The following MCC variants were observed in gnomAD, a reference collection of about 807,000 sequenced individuals.
MCC encodes the protein colorectal mutant cancer protein.
In MCC, 90 loss-of-function variants were observed where a neutral mutation model predicts 116.2. That is an observed-to-expected ratio of 0.77 (90% confidence interval 0.65 to 0.92). The LOEUF is 0.92. MCC is among the 40% of genes least tolerant of loss of function. The probability of loss-of-function intolerance (pLI) is 0.00; values close to 1 mark genes in which losing one functional copy is unlikely to be tolerated. For synonymous variants in MCC, 578 were observed against 510.5 expected (o/e 1.13, Z -1.78); for missense variants, 1,516 against 1,312.2 (o/e 1.16, Z -2.40).
rs7708603 is a variant in MCC, at chr5:113,049,338, T to C, written c.2449-39A>G. 56 of 1,494,390 alleles carry C rather than the reference T, an allele frequency of 3.7e-5. No homozygotes were observed. In the African/African-American group the frequency reaches 6.5e-4, roughly 17 times the overall value. 92.6% of individuals were successfully genotyped at this position (1,494,390 alleles called of 1,614,324 possible). On this transcript the variant is annotated intron_variant, in intron 15 of 18. Transcript: ENST00000408903. The stretch of plus-strand genomic sequence containing the variant: ...AGCACAGAGCACATGAGGCATGCCC[T>C]ATCTGAGAGCAGGCCTGGCTGCTGC...
chr5:113,447,267 T>C (rs1580387108), intron 1 of MCC, among the ~76,000 whole-genome samples: 2 of 152,284 alleles, frequency 1.3e-5, no homozygotes, highest in East Asian at 1.9e-4. Flanking sequence ...AGAAAACACC[T>C]TTCTTTGGGT....
intron 3 of MCC, among the ~76,000 whole-genome samples, chr5:113,168,453 T>C (rs527533531): frequency 1.3e-5 from 2 of 152,240 alleles, no homozygotes; most frequent in Non-Finnish European, 2.9e-5. Context: ...GATTTTCACA[T>C]ACTTTTTATT....
At chr5:113,227,814 G>C (rs1763801872) in intron 3 of MCC, among the ~76,000 whole-genome samples, 1 of 152,076 alleles carries the variant, frequency 6.6e-6, no homozygotes, top group Admixed American at 6.5e-5. Context: ...TCCCCTACAA[G>C]ATCTATCATT....
chr5:113,079,060 C>T (rs908944652), intron 11 of MCC, among the ~76,000 whole-genome samples: 6 of 152,250 alleles, frequency 3.9e-5, no homozygotes, highest in East Asian at 1.9e-4. Flanking sequence ...CCATTCACAA[C>T]TGATTCAAAG....
At chr5:113,407,710 T>C (rs995772887) in intron 1 of MCC, among the ~76,000 whole-genome samples, 2 of 152,164 alleles carry the variant, frequency 1.3e-5, no homozygotes, top group Non-Finnish European at 1.5e-5. Context: ...ACGTGTGCCA[T>C]GGGGGTTTGC....
chr5:113,312,931 C>T (rs1767170202), intron 3 of MCC, among the ~76,000 whole-genome samples: 1 of 152,164 alleles, frequency 6.6e-6, no homozygotes, highest in Non-Finnish European at 1.5e-5. Flanking sequence ...CTGATTGGCA[C>T]TGGAGAGACA....
At chr5:113,243,803 C>T (rs557799623) in intron 3 of MCC, among the ~76,000 whole-genome samples, 69 of 152,368 alleles carry the variant, frequency 4.5e-4, no homozygotes, top group Non-Finnish European at 8.8e-4. Context: ...GACTGCCCTC[C>T]GTTTGCCCAA....
chr5:113,268,758 A>C (rs1417468944), intron 3 of MCC, among the ~76,000 whole-genome samples: 1 of 152,192 alleles, frequency 6.6e-6, no homozygotes, highest in African/African-American at 2.4e-5. Flanking sequence ...ATCATCCCTT[A>C]GTAAATCTTT....
At chr5:113,388,182 G>C (rs1368404881) in intron 1 of MCC, among the ~76,000 whole-genome samples, 3 of 152,136 alleles carry the variant, frequency 2.0e-5, no homozygotes, top group Non-Finnish European at 4.4e-5. Context: ...AAACGTGTAG[G>C]CTGTTGAGAG....
chr5:113,154,080 T>C (rs1760036145), intron 3 of MCC, among the ~76,000 whole-genome samples: 2 of 152,248 alleles, frequency 1.3e-5, no homozygotes, highest in African/African-American at 4.8e-5. Context: ...CATTCTCATG[T>C]TTTAGTGATG....
chr5:113,419,015 G>A (rs1466047533), intron 1 of MCC, among the ~76,000 whole-genome samples: 2 of 152,052 alleles, frequency 1.3e-5, no homozygotes, highest in Non-Finnish European at 1.5e-5. Flanking sequence ...GAATTCATTG[G>A]GAAAAAGTTT....
chr5:113,110,626 G>A (rs9326879), intron 6 of MCC, among the ~76,000 whole-genome samples: 53,978 of 152,004 alleles, frequency 0.36, 10,848 homozygotes, highest in South Asian at 0.46. Context: ...TCTGGGGAGT[G>A]CTAAGTTCAC....
At chr5:113,030,319 CA>C (rs1750867230) in intron 17 of MCC, among the ~76,000 whole-genome samples, 1 of 152,124 alleles carries the variant, frequency 6.6e-6, no homozygotes, top group African/African-American at 2.4e-5. Context: ...GGGAGACAAG[CA>C]GGGAACTGGT....
intron 3 of MCC, among the ~76,000 whole-genome samples, chr5:113,165,235 G>C (rs557380536): frequency 6.6e-6 from 1 of 152,270 alleles, no homozygotes. Flanking sequence ...TTCCTGTAAG[G>C]AGCTGCTTCT....
chr5:113,327,556 AAAAAAAT>A (rs1409623780), intron 3 of MCC, among the ~76,000 whole-genome samples: 1 of 106,228 alleles, frequency 9.4e-6, no homozygotes, highest in Non-Finnish European at 1.9e-5. Flanking sequence ...AAAAAAAAAA[AAAAAAAT>A]ATATATATAT....
intron 17 of MCC, among the ~76,000 whole-genome samples, chr5:113,038,365 G>A (rs77476813): frequency 0.012 from 1,809 of 152,220 alleles, 32 homozygotes; most frequent in African/African-American, 0.041. Flanking sequence ...ACAATCCCTG[G>A]CCCTAAAAGG....
In MCC at chr5:113,025,377, C is replaced by A. The variant is rs1750466727; in HGVS notation, c.*1925G>T. Reference sequence around the variant, plus strand: ...GCACATTGGCTCATGCCTGTAATCCCAGCACTTTGGGAGGCCGAGGTGGGT... The same window carrying A: ...GCACATTGGCTCATGCCTGTAATCCAAGCACTTTGGGAGGCCGAGGTGGGT... On this transcript the variant is annotated 3_prime_UTR_variant, in exon 19 of 19. Transcript: ENST00000408903. 1 of 151,838 alleles carries A rather than the reference C, an allele frequency of 6.6e-6. No homozygotes were observed. The highest frequency in any genetic ancestry group is 1.5e-5 in the Non-Finnish European group (1 of 67,966). The allele number at this position is 151,838 out of a possible 1,614,324, so 9.4% of individuals were successfully genotyped here.
intron 3 of MCC, among the ~76,000 whole-genome samples, chr5:113,292,951 C>G (rs1766565139): frequency 6.6e-6 from 1 of 152,200 alleles, no homozygotes; most frequent in Admixed American, 6.5e-5. Context: ...TCACTTAAAT[C>G]CTCATGCCTC....
chr5:113,155,289 T>G (rs192608269), intron 3 of MCC, among the ~76,000 whole-genome samples: 1 of 152,252 alleles, frequency 6.6e-6, no homozygotes, highest in Non-Finnish European at 1.5e-5. Context: ...CATCTGCTGA[T>G]GCACACTTAG....
Sources: allele counts gnomAD v4.1 joint callset (sites outside exome capture counted in the v4.1 genomes callset), GRCh38; gene constraint gnomAD v4.1.1; transcripts MANE v1.5; gene names NCBI Gene and HGNC (gene_info 2026-07-23, HGNC 2026-07-21).